INTS13: variants seen among roughly 807,000 people sequenced by gnomAD.
The protein encoded by INTS13 is integrator complex subunit 13, also known as asunder, spermatogenesis regulator homolog (Drosphila).
INTS13 carries 35 observed loss-of-function variants against 90.2 expected under a neutral mutation model. That is an observed-to-expected ratio of 0.39 (90% CI 0.30 to 0.51). The LOEUF (loss-of-function observed/expected upper bound fraction) is 0.51, where lower values mean the gene tolerates loss of function less well. INTS13 is among the 20% of genes least tolerant of loss of function. The pLI is 0.80. For synonymous variants in INTS13, 309 were observed against 277.1 expected, an observed-to-expected ratio of 1.11 and a Z score of -1.14; for missense variants, 601 against 851.2, an observed-to-expected ratio of 0.71 and a Z score of 3.66.
At chr12:26,935,247 T>C (rs1262279410) in intron 2 of INTS13, among the ~76,000 whole-genome samples, 1 of 152,198 alleles carries the variant, frequency 6.6e-6, no homozygotes, top group Non-Finnish European at 1.5e-5. Context: ...AATGCAAATT[T>C]GAAAATTTAA....
chr12:26,913,659 C>T lies in INTS13; in HGVS notation c.1603G>A (p.Glu535Lys). 1 of 1,613,750 alleles carries T rather than the reference C, an allele frequency of 6.2e-7. No homozygotes were observed. The highest frequency in any genetic ancestry group is 1.1e-5 in the South Asian group (1 of 91,066). Residue 535 changes from glutamate to lysine, a missense_variant, in exon 14 of 17, where the codon GAA becomes AAA. Glu to Lys is a moderately conservative substitution (Grantham distance 56, BLOSUM62 1). Transcript: ENST00000261191. ...TGGGCTCTGACAAGGGTTTCTAATT[C>T]ATTCCACATGATACGGTATTGTTCA... ...RDEQYRIMWN[E>K]LETLVRAHIN... is the part of the protein sequence containing the mutation.
chr12:26,935,512 G>A (rs1324732999), intron 2 of INTS13, among the ~76,000 whole-genome samples: 6 of 152,068 alleles, frequency 3.9e-5, no homozygotes, highest in African/African-American at 9.7e-5. Context: ...GTCACTTTAC[G>A]TAGATTTATC....
intron 15 of INTS13, among the ~76,000 whole-genome samples, chr12:26,909,461 T>C (rs909195256): frequency 6.7e-6 from 1 of 149,854 alleles, no homozygotes; most frequent in East Asian, 1.9e-4. Flanking sequence ...TTTGCCAGTA[T>C]AGATAATACT....
At chr12:26,935,366 T>C (rs1938404947) in intron 2 of INTS13, among the ~76,000 whole-genome samples, 1 of 152,226 alleles carries the variant, frequency 6.6e-6, no homozygotes, top group South Asian at 2.1e-4. Context: ...TTTCTTTCTT[T>C]ACTCTGGACA....
chr12:26,918,089 TC>T (rs1401479374), intron 8 of INTS13, among the ~76,000 whole-genome samples: 1 of 151,838 alleles, frequency 6.6e-6, no homozygotes, highest in Non-Finnish European at 1.5e-5. Flanking sequence ...GACACTGCAC[TC>T]CAGCCTAGGC....
chr12:26,930,863 T>C (rs1250660373), intron 3 of INTS13, among the ~76,000 whole-genome samples: 1 of 152,204 alleles, frequency 6.6e-6, no homozygotes, highest in East Asian at 1.9e-4. Flanking sequence ...TCTTTCACAG[T>C]ATTTAAAAAA....
In INTS13 at chr12:26,913,959, GA is replaced by G. The variant is rs540343388; in HGVS notation, c.1574+14del. The G allele has an allele frequency of 3.8e-5, 59 of 1,571,602 alleles. 1 individual carries two copies. The highest frequency in any genetic ancestry group is 9.6e-5 in the Admixed American group (5 of 52,270). On this transcript the variant is annotated intron_variant, in intron 13 of 16. Coordinates refer to ENST00000261191, the MANE Select transcript of INTS13 (RefSeq NM_018164.3). ...TAAATGTGATCTATAAAGTAAGAAA[GA>G]AAAAAAAATGTACCTTTTAGGGCCC... is the stretch of plus-strand genomic sequence containing the variant.
At chr12:26,935,130 G>A (rs1938394528) in intron 2 of INTS13, among the ~76,000 whole-genome samples, 1 of 152,232 alleles carries the variant, frequency 6.6e-6, no homozygotes, top group Non-Finnish European at 1.5e-5. Flanking sequence ...AGTCAGAGCA[G>A]GCAGTGGGAG....
intron 14 of INTS13, 73 bp downstream of exon 14, chr12:26,913,384 G>C: frequency 9.6e-7 from 1 of 1,046,134 alleles, no homozygotes; most frequent in Non-Finnish European, 1.5e-6. Flanking sequence ...AGGTTTGAAT[G>C]TATGAAAGTG....
At position 26,914,503 on chromosome 12, in the gene INTS13, C is replaced by T; in HGVS notation, c.1324G>A (p.Glu442Lys). ...DPRYKIDGSL[E>K]VPLERAKDQL... ...TCTTTTGCTCGTTCCAAAGGGACCT[C>T]AAGACTTCCATCGATTTTATATCTG... is the stretch of plus-strand genomic sequence containing the variant. The change falls in exon 12 of 17, where the codon GAG becomes AAG. Residue 442 changes from glutamate (E) to lysine (K), a missense_variant. Transcript: ENST00000261191. The T allele has an allele frequency of 6.2e-7, 1 of 1,613,822 alleles. No individual in the cohort carries two copies. The highest frequency in any genetic ancestry group is 8.5e-7 in the Non-Finnish European group (1 of 1,179,870).
intron 5 of INTS13, among the ~76,000 whole-genome samples, chr12:26,927,354 AT>A (rs1344650862): frequency 6.6e-6 from 1 of 152,198 alleles, no homozygotes; most frequent in Non-Finnish European, 1.5e-5. Flanking sequence ...AACTCCAAGG[AT>A]TGTCATAATT....
At chr12:26,911,443 G>T in intron 14 of INTS13, 126 bp from the exon 15 acceptor site, 2 of 680,220 alleles carry the variant, frequency 2.9e-6, no homozygotes, top group Non-Finnish European at 4.3e-6. Context: ...TAAACCTAGG[G>T]ACTAATCAAA....
At chr12:26,907,289 G>C (rs189759729) in intron 15 of INTS13, among the ~76,000 whole-genome samples, 2 of 62,394 alleles carry the variant, frequency 3.2e-5, no homozygotes, top group African/African-American at 1.9e-4. Context: ...ATATAAAAGA[G>C]AATCCAGAAG....
chr12:26,929,187 C>G (rs915923643), intron 3 of INTS13: 5 of 261,940 alleles, frequency 1.9e-5, no homozygotes, highest in Non-Finnish European at 3.6e-5. Context: ...TCAATAAACA[C>G]AGAAACAGCA....
At chr12:26,913,431 G>GTGCTA in intron 14 of INTS13, 26 bp downstream of exon 14, 4 of 1,563,848 alleles carry the variant, frequency 2.6e-6, no homozygotes, top group African/African-American at 1.4e-5. Flanking sequence ...AGGCACCATG[G>GTGCTA]TGCTATATCA....
chr12:26,932,545 A>C (rs1320928688), intron 3 of INTS13, among the ~76,000 whole-genome samples: 1 of 152,246 alleles, frequency 6.6e-6, no homozygotes, highest in African/African-American at 2.4e-5. Flanking sequence ...CCAAAAGCAC[A>C]TAAGAGAGTA....
chr12:26,920,324 C>T (rs895486497), intron 8 of INTS13, among the ~76,000 whole-genome samples: 4 of 152,008 alleles, frequency 2.6e-5, no homozygotes, highest in Non-Finnish European at 5.9e-5. Context: ...ATAGTGTCCA[C>T]ATGTAATGCA....
intron 1 of INTS13, 30 bp from the exon 2 acceptor site, chr12:26,936,844 A>G (rs374331135): frequency 4.9e-5 from 68 of 1,396,106 alleles, no homozygotes; most frequent in Non-Finnish European, 6.7e-5. Context: ...TTAGCCAAAT[A>G]TTTGTACATA....
chr12:26,927,701 T>C (rs1447602428), intron 5 of INTS13, among the ~76,000 whole-genome samples: 1 of 152,172 alleles, frequency 6.6e-6, no homozygotes, highest in Non-Finnish European at 1.5e-5. Context: ...ATGCAACCTC[T>C]GCCTCCCAGG....
Sources: gnomAD v4.1 joint callset for allele counts (sites outside exome capture counted in the v4.1 genomes callset) on GRCh38, gnomAD v4.1.1 for gene constraint, MANE v1.5 for transcripts, NCBI Gene and HGNC (gene_info 2026-07-23, HGNC 2026-07-21) for gene names.